The following NOSTRIN variants were observed in gnomAD, a reference collection of about 807,000 sequenced individuals.
NOSTRIN encodes the protein BM247 homolog.
In NOSTRIN, 63 loss-of-function variants were observed where a neutral mutation model predicts 59.0. That is an observed-to-expected ratio of 1.07 (90% confidence interval 0.87 to 1.32). The LOEUF (loss-of-function observed/expected upper bound fraction) is 1.32. Ranked by LOEUF, NOSTRIN falls within the 40% of genes most tolerant of loss-of-function variation. The probability of loss-of-function intolerance (pLI) is 0.00; values close to 1 mark genes in which losing one functional copy is unlikely to be tolerated. For synonymous variants in NOSTRIN, 200 were observed against 165.4 expected (o/e 1.21, Z -1.61); for missense variants, 512 against 473.1 (o/e 1.08, Z -0.76).
At chr2:168,825,961 C>A (rs1418946769) in intron 3 of NOSTRIN, among the ~76,000 whole-genome samples, 3 of 152,088 alleles carry the variant, frequency 2.0e-5, no homozygotes, top group African/African-American at 7.2e-5. Flanking sequence ...TACAGTGAAG[C>A]CAGTATAGCA....
At chr2:168,842,912 A>T (rs947152778) in intron 7 of NOSTRIN, 80 bp from the exon 8 acceptor site, 9 of 809,216 alleles carry the variant, frequency 1.1e-5, no homozygotes, top group Middle Eastern at 3.3e-4. Context: ...TCATTGAGCC[A>T]CATATAATTA....
At chr2:168,837,510 C>T (rs988257789) in intron 7 of NOSTRIN, among the ~76,000 whole-genome samples, 6 of 151,954 alleles carry the variant, frequency 3.9e-5, no homozygotes, top group Admixed American at 1.3e-4. Context: ...GGGATTTCAC[C>T]GAGTTAGCTA....
At chr2:168,861,856 A>G in intron 14 of NOSTRIN, 104 bp from the exon 15 acceptor site, 1 of 1,023,004 alleles carries the variant, frequency 9.8e-7, no homozygotes. Flanking sequence ...GAAAAATTTA[A>G]TATATTGAAA....
rs2276666 is a variant in NOSTRIN, at chr2:168,803,071, A to G, written c.27+398A>G. Reference sequence around the variant, plus strand: ...GGCTCTGAGAATAAAGTGAGGGAGGAGAGTTTTTGTGCCTTTTCACCCTCA... The same window carrying G: ...GGCTCTGAGAATAAAGTGAGGGAGGGGAGTTTTTGTGCCTTTTCACCCTCA... On this transcript the variant is annotated intron_variant, in intron 1 of 15. Transcript: ENST00000317647. Among the ~76,000 whole-genome samples the G allele has an allele frequency of 5.5e-3, 837 of 152,206 alleles. 46 individuals carry two copies. The East Asian group carries it at 0.11, about 20-fold the overall frequency.
chr2:168,833,653 T>C (rs538495071), intron 6 of NOSTRIN, among the ~76,000 whole-genome samples: 86 of 152,354 alleles, frequency 5.6e-4, no homozygotes, highest in African/African-American at 2.0e-3. Context: ...AGGGAGACTC[T>C]TGAGTGCTCC....
At position 168,831,465 on chromosome 2, in the gene NOSTRIN, T is replaced by C. The variant is rs756978842; in HGVS notation, c.343-7T>C. On this transcript the variant is annotated splice_polypyrimidine_tract_variant and splice_region_variant and intron_variant, in intron 5 of 15. Coordinates refer to ENST00000317647, the MANE Select transcript of NOSTRIN (RefSeq NM_001039724.4). ...AAAGCTTTGTTTCCTTTTTCCTTTT[T>C]CAATAGCTTGACAATGAAGTTGAAA... The C allele has an allele frequency of 1.2e-6, 1 of 862,840 alleles. No individual in the cohort carries two copies. The highest frequency in any genetic ancestry group is 1.3e-5 in the South Asian group (1 of 75,780). The allele number at this position is 862,840 out of a possible 1,614,324, so 53.4% of individuals were successfully genotyped here.
At chr2:168,840,341 T>G (rs996755613) in intron 7 of NOSTRIN, among the ~76,000 whole-genome samples, 2 of 151,924 alleles carry the variant, frequency 1.3e-5, no homozygotes, top group African/African-American at 4.8e-5. Flanking sequence ...CCATCCGGGC[T>G]AACATGGTGA....
At chr2:168,829,904 A>G (rs1480475801) in intron 5 of NOSTRIN, among the ~76,000 whole-genome samples, 2 of 152,170 alleles carry the variant, frequency 1.3e-5, no homozygotes, top group Non-Finnish European at 2.9e-5. Flanking sequence ...AGTCAGAAGG[A>G]TGAGGAGAGG....
chr2:168,800,334 T>C (rs1286700736), upstream of NOSTRIN, among the ~76,000 whole-genome samples: 2 of 152,230 alleles, frequency 1.3e-5, no homozygotes, highest in Admixed American at 6.5e-5. Flanking sequence ...CACAGCATTA[T>C]TGTGACAAAG....
rs908806570 is a variant in NOSTRIN, at chr2:168,856,450, C to T, written c.965-240C>T. The T allele has an allele frequency of 3.4e-5, 17 of 496,508 alleles. No individual in the cohort carries two copies. In the Middle Eastern group the frequency reaches 1.8e-3, roughly 54 times the overall value. The allele number at this position is 496,508 out of a possible 1,614,324, so 30.8% of individuals were successfully genotyped here. On this transcript the variant is annotated intron_variant, in intron 11 of 15. Coordinates refer to ENST00000317647, the MANE Select transcript of NOSTRIN (RefSeq NM_001039724.4). ...ATTAGCCGGACATGGTGGCATACAC[C>T]TGTAATCCCAGCTACTCAAGAGGCT...
chr2:168,838,495 C>T (rs1245409298), intron 7 of NOSTRIN, among the ~76,000 whole-genome samples: 3 of 152,236 alleles, frequency 2.0e-5, no homozygotes, highest in Non-Finnish European at 4.4e-5. Flanking sequence ...CCGCCTTGGC[C>T]TCCCAAAATA....
chr2:168,797,035 C>A (rs960707135), upstream of NOSTRIN, among the ~76,000 whole-genome samples: 4 of 150,636 alleles, frequency 2.7e-5, no homozygotes, highest in African/African-American at 9.8e-5. Flanking sequence ...GGAGGCAGAC[C>A]ATTGAACTCA....
chr2:168,812,758 G>C (rs1264565315), intron 2 of NOSTRIN, among the ~76,000 whole-genome samples: 1 of 152,188 alleles, frequency 6.6e-6, no homozygotes, highest in African/African-American at 2.4e-5. Flanking sequence ...GAGCAGATAA[G>C]CAAGTGTTGG....
At chr2:168,795,969 A>T (rs906427413), upstream of NOSTRIN, among the ~76,000 whole-genome samples, 44 of 152,326 alleles carry the variant, frequency 2.9e-4, no homozygotes, top group Non-Finnish European at 4.1e-4. Flanking sequence ...AATTTTTTTT[A>T]AAATATGTGC....
chr2:168,856,218 G>A (rs537534026), intron 11 of NOSTRIN: 1 of 217,998 alleles, frequency 4.6e-6, no homozygotes, highest in African/African-American at 2.4e-5. Flanking sequence ...AAGGTAAACA[G>A]TTCATTTATC....
chr2:168,807,405 T>C (rs1020474611), intron 1 of NOSTRIN, among the ~76,000 whole-genome samples: 2 of 152,218 alleles, frequency 1.3e-5, no homozygotes, highest in African/African-American at 4.8e-5. Context: ...GAATGATTGA[T>C]TCTAAATAAG....
At chr2:168,838,224 C>G (rs1199722241) in intron 7 of NOSTRIN, among the ~76,000 whole-genome samples, 1 of 152,136 alleles carries the variant, frequency 6.6e-6, no homozygotes, top group Non-Finnish European at 1.5e-5. Flanking sequence ...AATCTTTATT[C>G]CTGTGTTCTC....
chr2:168,821,502 G>A (rs1443449955), intron 2 of NOSTRIN, among the ~76,000 whole-genome samples: 1 of 152,142 alleles, frequency 6.6e-6, no homozygotes, highest in Non-Finnish European at 1.5e-5. Context: ...CTAGGCCTAG[G>A]GATATAGCAA....
intron 5 of NOSTRIN, 105 bp from the exon 6 acceptor site, chr2:168,831,367 G>A (rs1386918532): frequency 1.5e-6 from 1 of 684,796 alleles, no homozygotes; most frequent in Non-Finnish European, 2.8e-6. Context: ...CACATTGAGG[G>A]AATAGGTTTC....
Sources: gnomAD v4.1 joint callset for allele counts (sites outside exome capture counted in the v4.1 genomes callset) on GRCh38, gnomAD v4.1.1 for gene constraint, MANE v1.5 for transcripts, NCBI Gene and HGNC (gene_info 2026-07-23, HGNC 2026-07-21) for gene names.